The following AGBL1 variants were observed in gnomAD, a reference collection of about 807,000 sequenced individuals.
AGBL1 encodes the protein cytosolic carboxypeptidase 4.
AGBL1 carries 130 observed loss-of-function variants against 118.9 expected under a neutral mutation model. That is an observed-to-expected ratio of 1.09 (90% CI 0.95 to 1.26). The LOEUF (loss-of-function observed/expected upper bound fraction) is 1.26. Ranked by LOEUF, AGBL1 falls within the 50% of genes most tolerant of loss-of-function variation. AGBL1 has a pLI of 0.00. For missense variants in AGBL1, 1,584 were observed against 1,298.1 expected (o/e 1.22, Z -3.38); for synonymous variants, 555 against 478.9 (o/e 1.16, Z -2.08).
At chr15:86,973,871 G>C (rs2141707911) in intron 23 of AGBL1, among the ~76,000 whole-genome samples, 1 of 143,222 alleles carries the variant, frequency 7.0e-6, no homozygotes, top group South Asian at 2.2e-4. Flanking sequence ...AAAAATGTTT[G>C]CAATGTGCCA....
At chr15:86,994,620 G>T (rs896590415) in intron 24 of AGBL1, among the ~76,000 whole-genome samples, 1 of 152,126 alleles carries the variant, frequency 6.6e-6, no homozygotes, top group Non-Finnish European at 1.5e-5. Context: ...AGATCAGTTT[G>T]CTTCTTTATC....
At chr15:86,668,256 T>C (rs2085682138) in intron 21 of AGBL1, among the ~76,000 whole-genome samples, 1 of 152,216 alleles carries the variant, frequency 6.6e-6, no homozygotes, top group South Asian at 2.1e-4. Flanking sequence ...CTTTGAGATA[T>C]TGGAAAACTT....
intron 22 of AGBL1, among the ~76,000 whole-genome samples, chr15:86,850,284 C>T (rs1229069329): frequency 9.4e-6 from 1 of 106,200 alleles, no homozygotes; most frequent in African/African-American, 3.1e-5. Context: ...TTTCTTCATC[C>T]ATTATTTTAT....
chr15:86,267,729 G>T (rs1567167638), intron 13 of AGBL1, among the ~76,000 whole-genome samples: 1 of 152,298 alleles, frequency 6.6e-6, no homozygotes, highest in East Asian at 1.9e-4. Flanking sequence ...TGTCAGAAGA[G>T]ACCGCGGTTC....
At chr15:86,624,983 G>A (rs1596317153) in intron 21 of AGBL1, among the ~76,000 whole-genome samples, 1 of 152,162 alleles carries the variant, frequency 6.6e-6, no homozygotes, top group African/African-American at 2.4e-5. Flanking sequence ...TCTAACGGAG[G>A]GGATCGACAT....
At chr15:86,899,387 T>A (rs1221407106) in intron 22 of AGBL1, among the ~76,000 whole-genome samples, 1 of 151,780 alleles carries the variant, frequency 6.6e-6, no homozygotes, top group African/African-American at 2.4e-5. Flanking sequence ...TCTTTGAGGG[T>A]AGAGGTGGGG....
At chr15:86,638,297 T>G (rs28372051) in intron 21 of AGBL1, among the ~76,000 whole-genome samples, 1 of 152,230 alleles carries the variant, frequency 6.6e-6, no homozygotes, top group African/African-American at 2.4e-5. Flanking sequence ...CATATGCCTT[T>G]TGAAATTTTC....
At chr15:86,903,127 T>C (rs927584228) in intron 22 of AGBL1, among the ~76,000 whole-genome samples, 11 of 152,064 alleles carry the variant, frequency 7.2e-5, no homozygotes, top group Admixed American at 2.6e-4. Context: ...CTGGGTTTTT[T>C]CTATTTTTCT....
Position 86,815,318 on chromosome 15 carries a change from G to GAGTTGGGTC in AGBL1, c.3159-91767_3159-91759dup, listed in dbSNP as rs2078843231. Among the ~76,000 whole-genome samples, 4 of 152,254 alleles carry GAGTTGGGTC rather than the reference G, an allele frequency of 2.6e-5. No homozygotes were observed. The East Asian group carries it at 5.8e-4, about 22-fold the overall frequency. ...TGTAAATAGGTTGCCAGAATTAGAT[G>GAGTTGGGTC]AGTTGGGTCACATCAGTGCACAGAA... On this transcript the variant is annotated intron_variant, in intron 22 of 22. Transcript: ENST00000614907.
intron 22 of AGBL1, among the ~76,000 whole-genome samples, chr15:86,849,517 C>CT (rs68185029): frequency 0.34 from 46,592 of 136,680 alleles, 8,324 homozygotes; most frequent in South Asian, 0.45. Flanking sequence ...TTCTTTCTTT[C>CT]TTTTTTTTTT....
chr15:86,731,633 G>T (rs958540193), intron 22 of AGBL1, among the ~76,000 whole-genome samples: 3 of 152,166 alleles, frequency 2.0e-5, no homozygotes, highest in African/African-American at 7.2e-5. Flanking sequence ...AGACTTGAAA[G>T]CCAACAAGAT....
At chr15:86,258,578 A>C (rs956123264) in intron 9 of AGBL1, among the ~76,000 whole-genome samples, 2 of 152,248 alleles carry the variant, frequency 1.3e-5, no homozygotes, top group South Asian at 4.1e-4. Context: ...TGAACTTCCT[A>C]TAAAAGGTCC....
chr15:86,882,842 G>A (rs1207446451), intron 22 of AGBL1, among the ~76,000 whole-genome samples: 1 of 152,038 alleles, frequency 6.6e-6, no homozygotes. Context: ...GGAACCTAAT[G>A]GAAATCTTTT....
chr15:86,957,224 A>C (rs1596673977), intron 23 of AGBL1, among the ~76,000 whole-genome samples: 1 of 152,240 alleles, frequency 6.6e-6, no homozygotes, highest in Non-Finnish European at 1.5e-5. Context: ...CTTGAAATTA[A>C]AGGACATTCA....
intron 18 of AGBL1, among the ~76,000 whole-genome samples, chr15:86,461,451 T>C (rs2082334174): frequency 6.6e-6 from 1 of 152,158 alleles, no homozygotes; most frequent in Non-Finnish European, 1.5e-5. Context: ...AAGAACGTTT[T>C]ATAATATCGT....
chr15:86,626,705 A>G (rs2084891544), intron 21 of AGBL1, among the ~76,000 whole-genome samples: 3 of 152,182 alleles, frequency 2.0e-5, no homozygotes, highest in Non-Finnish European at 2.9e-5. Context: ...AGTGAAGACT[A>G]TTCTGTTGAA....
chr15:86,722,055 C>T (rs2086730275), intron 22 of AGBL1, among the ~76,000 whole-genome samples: 1 of 151,952 alleles, frequency 6.6e-6, no homozygotes, highest in African/African-American at 2.4e-5. Context: ...TAGGAAGAAT[C>T]AATATCGTGA....
At chr15:86,743,923 G>C (rs1337500522) in intron 22 of AGBL1, among the ~76,000 whole-genome samples, 1 of 152,042 alleles carries the variant, frequency 6.6e-6, no homozygotes, top group Non-Finnish European at 1.5e-5. Context: ...AAAAAGAAAA[G>C]ACAAGTTGAT....
At chr15:86,467,753 G>A (rs186422215) in intron 18 of AGBL1, among the ~76,000 whole-genome samples, 120 of 152,236 alleles carry the variant, frequency 7.9e-4, no homozygotes, top group African/African-American at 2.8e-3. Flanking sequence ...GCACTTCCTG[G>A]GTGAGGCGAT....
Sources: allele counts gnomAD v4.1 joint callset (sites outside exome capture counted in the v4.1 genomes callset), GRCh38; gene constraint gnomAD v4.1.1; transcripts MANE v1.5; gene names NCBI Gene and HGNC (gene_info 2026-07-23, HGNC 2026-07-21).